Variants in ADGRA3 observed in about 807,000 individuals in gnomAD.
ADGRA3 encodes adhesion G protein-coupled receptor A3, also known as G-protein coupled receptor 125.
Under a neutral mutation model 119.8 loss-of-function variants are expected in ADGRA3, and 56 were observed. That is an observed-to-expected ratio of 0.47 (90% CI 0.38 to 0.58). The LOEUF (loss-of-function observed/expected upper bound fraction) is 0.58, where lower values mean the gene tolerates loss of function less well. ADGRA3 is among the 20% of genes least tolerant of loss of function. ADGRA3 has a pLI of 0.00. For synonymous variants in ADGRA3, 607 were observed against 623.8 expected, an observed-to-expected ratio of 0.97 and a Z score of 0.40; for missense variants, 1,516 against 1,649.0, an observed-to-expected ratio of 0.92 and a Z score of 1.40.
intron 1 of ADGRA3, among the ~76,000 whole-genome samples, chr4:22,495,493 G>A (rs1360132740): frequency 2.6e-5 from 4 of 152,014 alleles, no homozygotes. Context: ...TAAGGTGGGG[G>A]ACTACCATTT....
intron 2 of ADGRA3, among the ~76,000 whole-genome samples, chr4:22,464,768 C>T (rs1262469848): frequency 6.6e-6 from 1 of 152,232 alleles, no homozygotes; most frequent in Admixed American, 6.5e-5. Flanking sequence ...TCCCAGGGGG[C>T]TGGGGGGTCT....
At chr4:22,457,377 A>G (rs949721600) in intron 3 of ADGRA3, among the ~76,000 whole-genome samples, 4 of 152,224 alleles carry the variant, frequency 2.6e-5, no homozygotes, top group Admixed American at 1.3e-4. Context: ...AACCCATAAG[A>G]AAAACGGTCT....
chr4:22,433,003 C>A (rs57343957), intron 10 of ADGRA3, among the ~76,000 whole-genome samples: 1 of 152,086 alleles, frequency 6.6e-6, no homozygotes, highest in Admixed American at 6.5e-5. Context: ...TAAAATGAAG[C>A]CCTCAAGCCT....
At chr4:22,507,272 A>G (rs769286524) in intron 1 of ADGRA3, among the ~76,000 whole-genome samples, 8 of 152,076 alleles carry the variant, frequency 5.3e-5, no homozygotes, top group African/African-American at 9.7e-5. Context: ...TAAGCTACCA[A>G]TACTCAAAGA....
In ADGRA3 at chr4:22,429,963, T is replaced by C. The variant is rs532456736; in HGVS notation, c.1443+5348A>G. ...GACCCAGTGGGAGATAATTGAATCATGGGGGCAGGTCTTTGTCATGCTGTT... is the reference window on the plus strand; with the variant it reads ...GACCCAGTGGGAGATAATTGAATCACGGGGGCAGGTCTTTGTCATGCTGTT... On this transcript the variant is annotated intron_variant, in intron 10 of 18. Coordinates refer to ENST00000334304, the MANE Select transcript of ADGRA3 (RefSeq NM_145290.4). 2.0e-5 allele frequency among the ~76,000 whole-genome samples: 3 copies of C among 152,268 alleles called. No individual in the cohort carries two copies. The South Asian group carries it at 6.2e-4, about 32-fold the overall frequency.
intron 1 of ADGRA3, among the ~76,000 whole-genome samples, chr4:22,496,760 G>T (rs1422656068): frequency 1.3e-5 from 2 of 152,214 alleles, no homozygotes; most frequent in Non-Finnish European, 2.9e-5. Flanking sequence ...ATATACAAAA[G>T]GCCATTATGA....
chr4:22,411,349 A>C (rs1715190106), intron 14 of ADGRA3, among the ~76,000 whole-genome samples: 1 of 152,246 alleles, frequency 6.6e-6, no homozygotes, highest in South Asian at 2.1e-4. Context: ...CTATAATCCC[A>C]GCACTTTCCG....
intron 14 of ADGRA3, among the ~76,000 whole-genome samples, chr4:22,404,572 G>A (rs1428053878): frequency 1.3e-5 from 2 of 152,106 alleles, no homozygotes; most frequent in Non-Finnish European, 2.9e-5. Context: ...ATTGAGTGCC[G>A]GCCATGGTCA....
intron 1 of ADGRA3, among the ~76,000 whole-genome samples, chr4:22,504,337 C>T (rs1386379957): frequency 6.6e-6 from 1 of 152,084 alleles, no homozygotes; most frequent in Non-Finnish European, 1.5e-5. Context: ...AAAGAAACTA[C>T]CAAATGCCTG....
In ADGRA3 at chr4:22,420,978, C is replaced by G. The variant is rs1324620061; in HGVS notation, c.1717G>C (p.Asp573His). The G allele has an allele frequency of 1.2e-6, 2 of 1,613,964 alleles. No homozygotes were observed. Among genetic ancestry groups the G allele is most frequent in the Admixed American group, 3.3e-5 (2 of 59,994 alleles). The part of the protein sequence containing the change: ...VAASDRTGLS[D>H]YGRRDPEGNL... ...CCCTCTGGATCCCGCCTCCCATAAT[C>G]CGAAAGTCCTGTACGATCAGAGGCT... is the stretch of plus-strand genomic sequence containing the variant. The change falls in exon 12 of 19, where the codon GAT (aspartate) becomes CAT (histidine). Residue 573 changes from aspartate to histidine, a missense_variant. By Grantham distance (81) the Asp-to-His change is moderately conservative. Around this residue, in one of 2 missense-constraint regions of ADGRA3, gnomAD observed 1,088 missense variants for 1,107.1 expected, o/e 0.98. Transcript: ENST00000334304.
chr4:22,405,834 T>C (rs1037791662), intron 14 of ADGRA3, among the ~76,000 whole-genome samples: 3 of 152,184 alleles, frequency 2.0e-5, no homozygotes, highest in African/African-American at 7.2e-5. Context: ...AATTGGGAAA[T>C]ATGAAATATG....
chr4:22,509,816 C>A (rs1012336691), intron 1 of ADGRA3, among the ~76,000 whole-genome samples: 5 of 151,872 alleles, frequency 3.3e-5, no homozygotes, highest in Non-Finnish European at 7.4e-5. Flanking sequence ...CGAGACCATC[C>A]TGGCTAACAC....
intron 16 of ADGRA3, among the ~76,000 whole-genome samples, chr4:22,398,661 T>C (rs757835340): frequency 3.3e-5 from 5 of 152,194 alleles, no homozygotes; most frequent in Non-Finnish European, 5.9e-5. Context: ...AAATGGTGAA[T>C]GTTAATTTAT....
At chr4:22,430,101 T>C (rs369039580) in intron 10 of ADGRA3, among the ~76,000 whole-genome samples, 22 of 152,310 alleles carry the variant, frequency 1.4e-4, no homozygotes, top group African/African-American at 5.0e-4. Context: ...TGCTCCTCCA[T>C]GACCTCTGCC....
intron 1 of ADGRA3, among the ~76,000 whole-genome samples, chr4:22,509,195 C>T (rs1719348497): frequency 1.3e-5 from 2 of 152,158 alleles, no homozygotes; most frequent in South Asian, 4.1e-4. Context: ...GAGAAACTCA[C>T]AACTTGCAAA....
Position 22,442,842 on chromosome 4 carries a change from G to A in ADGRA3, c.728C>T (p.Ser243Phe), listed in dbSNP as rs1441926176. 5 of 1,612,814 alleles carry A rather than the reference G, an allele frequency of 3.1e-6. No homozygotes were observed. In the Admixed American group the frequency reaches 5.0e-5, roughly 16 times the overall value. The change falls in exon 7 of 19, where the codon TCT (serine) becomes TTT (phenylalanine). Residue 243 changes from serine to phenylalanine, a missense_variant. Physicochemically the swap from Ser to Phe is radical, Grantham distance 155 (BLOSUM62 -2). This residue lies in a region of ADGRA3 where 428 missense variants were observed against 541.9 expected (regional missense o/e 0.79). Coordinates refer to ENST00000334304, the MANE Select transcript of ADGRA3 (RefSeq NM_145290.4). ...LTCDPPLELPSFYMTPSHRQV... is the reference protein window; with the variant it reads ...LTCDPPLELPFFYMTPSHRQV... The stretch of plus-strand genomic sequence containing the variant: ...GCGATGAGATGGAGTCATGTAGAAA[G>A]ACGGCAATTCAAGCGGAGGGTCTAG...
At chr4:22,483,355 A>G (rs1037985255) in intron 1 of ADGRA3, among the ~76,000 whole-genome samples, 1 of 152,174 alleles carries the variant, frequency 6.6e-6, no homozygotes, top group African/African-American at 2.4e-5. Context: ...TTAAGTTTCT[A>G]TGTTCAAAGA....
chr4:22,433,255 T>C (rs1287518469), intron 10 of ADGRA3, among the ~76,000 whole-genome samples: 2 of 152,224 alleles, frequency 1.3e-5, no homozygotes, highest in Admixed American at 6.5e-5. Context: ...GCAATCTTCT[T>C]CACACTAAAT....
chr4:22,406,485 T>C (rs1005085665), intron 14 of ADGRA3, among the ~76,000 whole-genome samples: 1 of 152,196 alleles, frequency 6.6e-6, no homozygotes, highest in African/African-American at 2.4e-5. Context: ...ATTTTTTGTC[T>C]TTTTGATACA....
Sources: allele counts gnomAD v4.1 joint callset (sites outside exome capture counted in the v4.1 genomes callset), GRCh38; gene constraint gnomAD v4.1.1; regional missense constraint gnomAD v4.1.1; transcripts MANE v1.5; gene names NCBI Gene and HGNC (gene_info 2026-07-23, HGNC 2026-07-21).